The following ZNF148 variants were observed in gnomAD, a reference collection of about 807,000 sequenced individuals.
ZNF148 encodes zinc finger protein 148.
A neutral mutation model predicts 67.7 loss-of-function variants in ZNF148; 7 were observed. The observed-to-expected ratio is 0.10, with a 90% CI of 0.06 to 0.19. The LOEUF (loss-of-function observed/expected upper bound fraction) is 0.19. ZNF148 is among the 10% of genes least tolerant of loss of function. The pLI is 1.00. For synonymous variants in ZNF148, 333 were observed against 330.7 expected (o/e 1.01, Z -0.08); for missense variants, 583 against 947.1 (o/e 0.62, Z 5.05).
At chr3:125,269,813 T>C (rs1386147412) in intron 7 of ZNF148, among the ~76,000 whole-genome samples, 1 of 152,100 alleles carries the variant, frequency 6.6e-6, no homozygotes, top group Non-Finnish European at 1.5e-5. Flanking sequence ...GAAACATGGA[T>C]GCAGCTGGAG....
chr3:125,349,071 T>C (rs1203888499), intron 1 of ZNF148, among the ~76,000 whole-genome samples: 2 of 152,144 alleles, frequency 1.3e-5, no homozygotes, highest in African/African-American at 4.8e-5. Flanking sequence ...TTTTACACCA[T>C]ACATAAAAGT....
chr3:125,258,445 A>AAAAGG (rs869187911), intron 7 of ZNF148, among the ~76,000 whole-genome samples: 2 of 144,890 alleles, frequency 1.4e-5, no homozygotes, highest in African/African-American at 5.1e-5. Context: ...AAAAAAAAAA[A>AAAAGG]GGGGGATAGC....
chr3:125,314,718 T>C (rs1012691257), intron 3 of ZNF148, among the ~76,000 whole-genome samples: 5 of 152,196 alleles, frequency 3.3e-5, no homozygotes, highest in African/African-American at 4.8e-5. Context: ...GTACAAAACA[T>C]CTGATTTCAC....
intron 2 of ZNF148, among the ~76,000 whole-genome samples, chr3:125,327,358 A>G (rs1304004063): frequency 2.0e-5 from 3 of 152,208 alleles, no homozygotes; most frequent in Admixed American, 6.5e-5. Flanking sequence ...TAGCAAAGAC[A>G]GAGAAGACCT....
At chr3:125,253,314 T>C (rs1242789844) in intron 7 of ZNF148, among the ~76,000 whole-genome samples, 1 of 152,228 alleles carries the variant, frequency 6.6e-6, no homozygotes, top group East Asian at 1.9e-4. Flanking sequence ...AACACAATTT[T>C]TGAATACTGA....
chr3:125,290,732 C>T (rs879810102), intron 4 of ZNF148, among the ~76,000 whole-genome samples: 7 of 152,026 alleles, frequency 4.6e-5, no homozygotes, highest in Non-Finnish European at 1.0e-4. Flanking sequence ...TTTCAAAGGT[C>T]TTAAAATGTA....
At chr3:125,281,423 A>G (rs1186410415) in intron 5 of ZNF148, among the ~76,000 whole-genome samples, 3 of 152,240 alleles carry the variant, frequency 2.0e-5, no homozygotes. Context: ...CTTATATAAA[A>G]TGGAACTAAA....
At chr3:125,316,623 C>T (rs1223206734) in intron 3 of ZNF148, among the ~76,000 whole-genome samples, 1 of 152,120 alleles carries the variant, frequency 6.6e-6, no homozygotes, top group Non-Finnish European at 1.5e-5. Flanking sequence ...TTTCATATGC[C>T]TGTCTGCCAT....
chr3:125,322,027 C>CTTTTTTTTTTT (rs35879999), intron 3 of ZNF148, among the ~76,000 whole-genome samples: 1 of 82,928 alleles, frequency 1.2e-5, no homozygotes, highest in African/African-American at 4.9e-5. Context: ...TAATCAACGG[C>CTTTTTTTTTTT]TTTTTTTTTT....
intron 1 of ZNF148, chr3:125,357,181 G>C (rs572416427): frequency 2.0e-5 from 3 of 152,382 alleles, no homozygotes; most frequent in Admixed American, 6.5e-5. Flanking sequence ...CAGCGGGGCA[G>C]GCCCAGAAGG....
intron 4 of ZNF148, among the ~76,000 whole-genome samples, chr3:125,310,102 CAG>C (rs1940119585): frequency 1.5e-5 from 2 of 130,558 alleles, no homozygotes; most frequent in Middle Eastern, 4.6e-3. Context: ...TTTTTAAAGA[CAG>C]AGTTTCACTC....
chr3:125,363,255 CA>C (rs1942599302), intron 1 of ZNF148, among the ~76,000 whole-genome samples: 1 of 152,206 alleles, frequency 6.6e-6, no homozygotes, highest in African/African-American at 2.4e-5. Context: ...ATTAACACTT[CA>C]ATTATCAGTC....
intron 4 of ZNF148, among the ~76,000 whole-genome samples, chr3:125,299,784 C>T (rs1939491721): frequency 6.6e-6 from 1 of 152,096 alleles, no homozygotes; most frequent in African/African-American, 2.4e-5. Flanking sequence ...ATGCTTTCTG[C>T]CCAAATAATG....
At chr3:125,282,665 T>A (rs575195218) in intron 5 of ZNF148, among the ~76,000 whole-genome samples, 1 of 152,270 alleles carries the variant, frequency 6.6e-6, no homozygotes, top group African/African-American at 2.4e-5. Context: ...TAATCTCATA[T>A]CCATTATGAC....
intron 3 of ZNF148, among the ~76,000 whole-genome samples, chr3:125,318,880 G>A (rs1235377950): frequency 6.6e-6 from 1 of 151,950 alleles, no homozygotes; most frequent in Non-Finnish European, 1.5e-5. Flanking sequence ...TTCTTCCCCC[G>A]CTTCCATGAT....
intron 1 of ZNF148, among the ~76,000 whole-genome samples, chr3:125,346,398 G>A (rs1380005056): frequency 1.3e-5 from 2 of 152,094 alleles, no homozygotes; most frequent in Non-Finnish European, 2.9e-5. Context: ...CCTAAGATCA[G>A]AAAGAAGACA....
chr3:125,370,078 TA>T (rs1253269270), intron 1 of ZNF148, among the ~76,000 whole-genome samples: 3 of 151,902 alleles, frequency 2.0e-5, no homozygotes, highest in African/African-American at 7.3e-5. Context: ...CAGACAGTCC[TA>T]AAACAGTCAT....
intron 4 of ZNF148, among the ~76,000 whole-genome samples, chr3:125,304,808 C>T (rs991944636): frequency 6.6e-5 from 10 of 152,146 alleles, no homozygotes; most frequent in Admixed American, 2.0e-4. Context: ...ATGTTCAGCA[C>T]CCAGACCTTG....
Position 125,232,950 on chromosome 3 carries a change from T to C in ZNF148, c.1776A>G (p.Gln592=), listed in dbSNP as rs548746151. The change falls in exon 9 of 9, where the codon CAA becomes CAG. Residue 592 remains glutamine (Q), a synonymous_variant. Coordinates refer to ENST00000360647, the MANE Select transcript of ZNF148 (RefSeq NM_021964.3). This position sits in a 1 kb window ranked among gnomAD's most constrained non-coding sequence, Gnocchi z 4.2. ...TPSENVGSSS[Q]ASSSDKANML... is the part of the protein sequence containing the mutation. ...TGTTGGCTTTATCTGATGAGGATGC[T>C]TGGGAGCTTGATCCAACATTCTCTG... The C allele has an allele frequency of 1.2e-6, 2 of 1,613,874 alleles. No individual in the cohort carries two copies. The highest frequency in any genetic ancestry group is 4.5e-5 in the East Asian group (2 of 44,880).
Sources: gnomAD v4.1 joint callset for allele counts (sites outside exome capture counted in the v4.1 genomes callset) on GRCh38, gnomAD v4.1.1 for gene constraint, Gnocchi (gnomAD v3.1) non-coding constraint, MANE v1.5 for transcripts, NCBI Gene and HGNC (gene_info 2026-07-23, HGNC 2026-07-21) for gene names.